The following ZFHX3 variants were observed in gnomAD, a reference collection of about 807,000 sequenced individuals.
ZFHX3 encodes the protein zinc finger homeobox 3.
ZFHX3 carries 42 observed loss-of-function variants against 279.1 expected under a neutral mutation model. The observed-to-expected ratio is 0.15, with a 90% CI of 0.12 to 0.19. The LOEUF is 0.19. Among genes scored for constraint, ZFHX3 ranks in the 10% least tolerant of loss-of-function variants. The pLI, the probability that ZFHX3 is intolerant of heterozygous loss-of-function variation, is 1.00. For missense variants in ZFHX3, 4,981 were observed against 4,754.0 expected (o/e 1.05, Z -1.40); for synonymous variants, 2,293 against 1,957.8 (o/e 1.17, Z -4.52).
chr16:73,265,109 G>GTGTGTGTGTGTA (rs1053383715), intron 4 of ZFHX3, among the ~76,000 whole-genome samples: 1 of 145,232 alleles, frequency 6.9e-6, no homozygotes. Context: ...GTGTGTGTGT[G>GTGTGTGTGTGTA]TATATAACAG....
chr16:73,080,134 A>G (rs945965838), intron 8 of ZFHX3, among the ~76,000 whole-genome samples: 2 of 152,142 alleles, frequency 1.3e-5, no homozygotes, highest in Non-Finnish European at 2.9e-5. Flanking sequence ...TTAAATGTGA[A>G]TTATCCACAT....
At chr16:72,996,141 G>A (rs745692944) in intron 1 of ZFHX3, among the ~76,000 whole-genome samples, 13 of 151,656 alleles carry the variant, frequency 8.6e-5, no homozygotes, top group Admixed American at 2.6e-4. Flanking sequence ...CACACGAGCC[G>A]GGCATGGTGG....
In ZFHX3 at chr16:72,794,824, C is replaced by T. The variant is rs764788469; in HGVS notation, c.7858G>A (p.Glu2620Lys). ...TCGCCAGGGCTTGCACTGGCCTTTT[C>T]CTCCAGCTTCCTCTTGAGAGTGTTC... ...TMNTLKRKLE[E>K]KASASPGEND... The change falls in exon 9 of 10, where the codon GAA becomes AAA. Residue 2620 changes from glutamate (E) to lysine (K), a missense_variant. Glu to Lys is a moderately conservative substitution (Grantham distance 56, BLOSUM62 1). This residue lies in a region of ZFHX3 where 744 missense variants were observed against 701.3 expected (regional missense o/e 1.06). Transcript: ENST00000268489. The surrounding 1 kb of genome is among the most constrained non-coding windows in gnomAD (Gnocchi z 4.2). The T allele has an allele frequency of 1.9e-6, 3 of 1,613,904 alleles. No individual in the cohort carries two copies. The South Asian group carries it at 3.3e-5, about 18-fold the overall frequency.
intron 4 of ZFHX3, among the ~76,000 whole-genome samples, chr16:72,835,126 T>G (rs970010204): frequency 1.3e-5 from 2 of 152,148 alleles, no homozygotes; most frequent in African/African-American, 4.8e-5. Context: ...AGAATGAAAT[T>G]GTTCTTTCCT....
chr16:73,488,366 T>C lies in ZFHX3; in HGVS notation c.-1546-32108A>G, dbSNP rs1319988098. ...AAGAGCAACATGGACCTGCACGGGG[T>C]GGGGTAGGGGTAAAGGAAGGCGAGA... On this transcript the variant is annotated intron_variant, in intron 2 of 17. Transcript: ENST00000641206. Among the ~76,000 whole-genome samples, 4 of 151,238 alleles carry C rather than the reference T, an allele frequency of 2.6e-5. No individual in the cohort carries two copies. The East Asian group carries it at 7.8e-4, about 29-fold the overall frequency.
intron 4 of ZFHX3, among the ~76,000 whole-genome samples, chr16:72,835,019 C>T (rs759021572): frequency 2.0e-5 from 3 of 152,160 alleles, no homozygotes; most frequent in African/African-American, 7.2e-5. Flanking sequence ...CTCAGTGTGA[C>T]AGAAATTTGG....
chr16:73,539,433 CT>C (rs1162434013), intron 2 of ZFHX3, among the ~76,000 whole-genome samples: 785 of 64,986 alleles, frequency 0.012, 1 homozygote, highest in Middle Eastern at 0.048. Flanking sequence ...TCCTCTTCTT[CT>C]TTTTTTTTTT....
chr16:73,871,168 A>C (rs1490367092), intron 1 of ZFHX3, among the ~76,000 whole-genome samples: 1 of 152,212 alleles, frequency 6.6e-6, no homozygotes, highest in African/African-American at 2.4e-5. Context: ...TTGGCACAGC[A>C]CATGGTGCTC....
intron 2 of ZFHX3, among the ~76,000 whole-genome samples, chr16:73,524,054 A>T (rs559126952): frequency 6.6e-6 from 1 of 152,318 alleles, no homozygotes; most frequent in South Asian, 2.1e-4. Context: ...GCCAGGAACC[A>T]TAGTAAGGGG....
At chr16:73,006,146 G>T (rs1963694835) in intron 1 of ZFHX3, 1 of 152,226 alleles carries the variant, frequency 6.6e-6, no homozygotes, top group African/African-American at 2.4e-5. Context: ...GTAGGAAAAA[G>T]AAATTAGCAA....
chr16:73,057,563 G>GA (rs1426949065), intron 1 of ZFHX3, among the ~76,000 whole-genome samples: 1 of 150,174 alleles, frequency 6.7e-6, no homozygotes, highest in Non-Finnish European at 1.5e-5. Flanking sequence ...AGAAGAAGAA[G>GA]AAAGAAAAGA....
intron 3 of ZFHX3, among the ~76,000 whole-genome samples, chr16:72,906,068 C>T (rs1473731134): frequency 1.3e-5 from 2 of 152,006 alleles, no homozygotes; most frequent in Non-Finnish European, 2.9e-5. Flanking sequence ...TACGCCCAAA[C>T]TCTGGGATCT....
chr16:73,467,209 A>C (rs138425073), intron 2 of ZFHX3, among the ~76,000 whole-genome samples: 684 of 152,340 alleles, frequency 4.5e-3, no homozygotes, highest in Non-Finnish European at 7.1e-3. Flanking sequence ...AGCTCACGGA[A>C]ACGTAGAGAA....
chr16:73,035,287 G>T (rs759581724), intron 1 of ZFHX3, among the ~76,000 whole-genome samples: 3 of 152,178 alleles, frequency 2.0e-5, no homozygotes, highest in African/African-American at 7.2e-5. Context: ...ATTGTTTAAT[G>T]TGACTAATAG....
At chr16:73,433,904 A>C (rs1191785691) in intron 3 of ZFHX3, among the ~76,000 whole-genome samples, 1 of 152,224 alleles carries the variant, frequency 6.6e-6, no homozygotes. Context: ...CACTGGGGTT[A>C]TGTCATGGCA....
intron 4 of ZFHX3, among the ~76,000 whole-genome samples, chr16:73,271,749 C>T (rs904501897): frequency 6.6e-5 from 10 of 152,192 alleles, no homozygotes; most frequent in African/African-American, 2.2e-4. Context: ...GACACCTACC[C>T]GTCTTCTGGT....
intron 1 of ZFHX3, among the ~76,000 whole-genome samples, chr16:73,814,568 C>CTT (rs1242558367): frequency 9.9e-5 from 14 of 141,882 alleles, no homozygotes; most frequent in Non-Finnish European, 1.2e-4. Context: ...TAGTTCACAA[C>CTT]TTTTTTTTTT....
chr16:73,345,120 T>C (rs1245745728), intron 3 of ZFHX3, among the ~76,000 whole-genome samples: 1 of 152,240 alleles, frequency 6.6e-6, no homozygotes, highest in East Asian at 1.9e-4. Context: ...AAGCATTTTT[T>C]TTCATAGCCC....
chr16:73,390,431 C>T (rs1459894563), intron 3 of ZFHX3, among the ~76,000 whole-genome samples: 1 of 152,166 alleles, frequency 6.6e-6, no homozygotes, highest in Admixed American at 6.5e-5. Flanking sequence ...ATCATCTCAT[C>T]GGGTCCCAAG....
Sources: gnomAD v4.1 joint callset for allele counts (sites outside exome capture counted in the v4.1 genomes callset) on GRCh38, gnomAD v4.1.1 for gene constraint, gnomAD v4.1.1 regional missense constraint, Gnocchi (gnomAD v3.1) non-coding constraint, MANE v1.5 for transcripts, NCBI Gene and HGNC (gene_info 2026-07-23, HGNC 2026-07-21) for gene names.